The following SLC30A4 variants were observed in gnomAD, a reference collection of about 807,000 sequenced individuals.
SLC30A4 encodes probable proton-coupled zinc antiporter SLC30A4.
A neutral mutation model predicts 41.7 loss-of-function variants in SLC30A4; 20 were observed. The ratio of observed to expected loss-of-function variants is 0.48; its 90% confidence interval spans 0.34 to 0.70. The LOEUF (loss-of-function observed/expected upper bound fraction) is 0.70, where lower values mean the gene tolerates loss of function less well. SLC30A4 is among the 30% of genes least tolerant of loss of function. The pLI is 0.01. For missense variants in SLC30A4, 441 were observed against 529.3 expected, an observed-to-expected ratio of 0.83 and a Z score of 1.64; for synonymous variants, 181 against 195.9, an observed-to-expected ratio of 0.92 and a Z score of 0.64.
At chr15:45,490,154 C>T (rs1387213412) in intron 4 of SLC30A4, among the ~76,000 whole-genome samples, 1 of 152,036 alleles carries the variant, frequency 6.6e-6, no homozygotes, top group Non-Finnish European at 1.5e-5. Flanking sequence ...TGCAGTGGCC[C>T]AATCATAGCT....
chr15:45,511,058 G>T, intron 3 of SLC30A4, 80 bp downstream of exon 3: 1 of 1,065,254 alleles, frequency 9.4e-7, no homozygotes, highest in South Asian at 1.8e-5. Context: ...TCACTGGAAC[G>T]AGTTCAGTTA....
intron 3 of SLC30A4, among the ~76,000 whole-genome samples, chr15:45,507,879 T>C (rs886543162): frequency 6.6e-6 from 1 of 152,192 alleles, no homozygotes; most frequent in African/African-American, 2.4e-5. Context: ...TGCTGGTTTT[T>C]CCCACATGCT....
At chr15:45,518,198 A>G (rs1408877090) in intron 2 of SLC30A4, among the ~76,000 whole-genome samples, 1 of 152,046 alleles carries the variant, frequency 6.6e-6, no homozygotes, top group Non-Finnish European at 1.5e-5. Flanking sequence ...CTGTTTGGGT[A>G]ACTCCTACTA....
chr15:45,504,601 AT>A (rs1240620519), intron 3 of SLC30A4, among the ~76,000 whole-genome samples: 2 of 152,234 alleles, frequency 1.3e-5, no homozygotes, highest in Non-Finnish European at 2.9e-5. Context: ...ATTTATGTAT[AT>A]ATGCCTAAAA....
At chr15:45,503,717 T>C (rs111275443) in intron 3 of SLC30A4, among the ~76,000 whole-genome samples, 12,813 of 150,944 alleles carry the variant, frequency 0.085, 1,788 homozygotes, top group African/African-American at 0.29. Context: ...GAGGCCGAGG[T>C]GGGCAGATCA....
rs946742255 is a variant in SLC30A4, at chr15:45,487,943, T to C, written c.895-311A>G. ...GTGTGTGTGTGTGTGTGTGTGTGTGTGTCAAAGCTGGAAAAAAGTGTGTGT... is the reference window on the plus strand; with the variant it reads ...GTGTGTGTGTGTGTGTGTGTGTGTGCGTCAAAGCTGGAAAAAAGTGTGTGT... On this transcript the variant is annotated intron_variant, in intron 5 of 7. Coordinates refer to ENST00000261867, the MANE Select transcript of SLC30A4 (RefSeq NM_013309.6). 2.1e-5 allele frequency among the ~76,000 whole-genome samples: 3 copies of C among 140,034 alleles called. 1 individual carries two copies. Among genetic ancestry groups the C allele is most frequent in the Non-Finnish European group, 4.7e-5 (3 of 64,168 alleles). 91.9% of individuals were successfully genotyped at this position (140,034 alleles called of 152,430 possible). A position where few individuals can be genotyped will look rare whatever the true frequency, so the allele number is the denominator to read the frequency against.
chr15:45,490,282 G>T (rs1891786101), intron 4 of SLC30A4, among the ~76,000 whole-genome samples: 1 of 152,056 alleles, frequency 6.6e-6, no homozygotes, highest in Non-Finnish European at 1.5e-5. Context: ...AAGAGATGAG[G>T]TCTCACTATG....
At chr15:45,517,433 A>G (rs1566883327) in intron 2 of SLC30A4, among the ~76,000 whole-genome samples, 1 of 140,060 alleles carries the variant, frequency 7.1e-6, no homozygotes, top group Admixed American at 7.9e-5. Context: ...GGCTCACCAC[A>G]ACCTCCGCCT....
rs1891585445 is a variant in SLC30A4, at chr15:45,480,365, C to G, written c.*4798G>C. 2 of 152,192 alleles carry G rather than the reference C, an allele frequency of 1.3e-5. No individual in the cohort carries two copies. Among genetic ancestry groups the G allele is most frequent in the Admixed American group, 1.3e-4 (2 of 15,276 alleles). The allele number at this position is 152,192 out of a possible 1,614,324, so 9.4% of individuals were successfully genotyped here. The stretch of plus-strand genomic sequence containing the variant: ...ACAAATAATATACCTGATTGGCAAT[C>G]AGTAAAACAAATCTCAAGACCTGGT... On this transcript the variant is annotated 3_prime_UTR_variant, in exon 8 of 8. Coordinates refer to ENST00000261867, the MANE Select transcript of SLC30A4 (RefSeq NM_013309.6).
chr15:45,509,830 A>G (rs2140840179), intron 3 of SLC30A4, among the ~76,000 whole-genome samples: 1 of 152,258 alleles, frequency 6.6e-6, no homozygotes, highest in African/African-American at 2.4e-5. Flanking sequence ...AGGCCAAGGT[A>G]GGAGGATGGC....
rs1474282772 is a variant in SLC30A4 at position 45,484,398 on chromosome 15, CAT to C, written c.*763_*764del. The C allele has an allele frequency of 6.6e-6, 1 of 152,130 alleles. No individual in the cohort carries two copies. Among genetic ancestry groups the C allele is most frequent in the East Asian group, 1.9e-4 (1 of 5,194 alleles). The allele number at this position is 152,130 out of a possible 1,614,324, so 9.4% of individuals were successfully genotyped here. ...GCTCTTTTATTTTGTTTTAAATCAT[CAT>C]ATAGTAATTTGAGTTTAAGACTAAC... On this transcript the variant is annotated 3_prime_UTR_variant, in exon 8 of 8. Transcript: ENST00000261867.
rs1358832173 is a variant in SLC30A4, at chr15:45,522,189, C to G, written c.166G>C (p.Glu56Gln). ...LRVVVADDGS[E>Q]APERPVNGAH... ...CCGTTAACAGGCCTTTCCGGGGCTTCGGAACCGTCATCGGCCACCACAACT... is the reference window on the plus strand; with the variant it reads ...CCGTTAACAGGCCTTTCCGGGGCTTGGGAACCGTCATCGGCCACCACAACT... The change falls in exon 2 of 8, where the codon GAA (glutamate) becomes CAA (glutamine). Residue 56 changes from glutamate to glutamine, a missense_variant. Glu to Gln is a conservative substitution (Grantham distance 29). Around this residue, in one of 3 missense-constraint regions of SLC30A4, gnomAD observed 312 missense variants for 341.9 expected, o/e 0.91. Coordinates refer to ENST00000261867, the MANE Select transcript of SLC30A4 (RefSeq NM_013309.6). 3.7e-6 allele frequency: 6 copies of G among 1,614,108 alleles called. No individual in the cohort carries two copies. In the African/African-American group the frequency reaches 8.0e-5, roughly 22 times the overall value.
rs572737525 is a variant in SLC30A4, at chr15:45,514,521, T to C, written c.392-3237A>G. Among the ~76,000 whole-genome samples, 13 of 145,806 alleles carry C rather than the reference T, an allele frequency of 8.9e-5. No homozygotes were observed. In the South Asian group the frequency reaches 2.0e-3, roughly 23 times the overall value. ...AGATTGATATTCCAATTTTTTTTTTTTTTTTTTTTTTGAGACAGAGTCTCA... is the reference window on the plus strand; with the variant it reads ...AGATTGATATTCCAATTTTTTTTTTCTTTTTTTTTTTGAGACAGAGTCTCA... On this transcript the variant is annotated intron_variant, in intron 2 of 7. Coordinates refer to ENST00000261867, the MANE Select transcript of SLC30A4 (RefSeq NM_013309.6).
chr15:45,486,640 T>C lies in SLC30A4; in HGVS notation c.1106A>G (p.Lys369Arg), dbSNP rs1441162342. 1.3e-5 allele frequency: 21 copies of C among 1,604,744 alleles called. 1 individual carries two copies. The highest frequency in any genetic ancestry group is 3.3e-4 in the Middle Eastern group (2 of 6,044). The change falls in exon 7 of 8, where the codon AAA (lysine) becomes AGA (arginine). Residue 369 changes from lysine (K) to arginine (R), a missense_variant. Physicochemically the swap from Lys to Arg is conservative, Grantham distance 26. Transcript: ENST00000261867. ...DLNIWSLTSGKSTAIVHIQLI... is the reference protein window; with the variant it reads ...DLNIWSLTSGRSTAIVHIQLI... ...CTGTATGTGAACTATGGCAGTAGAT[T>C]TTCCTGAAGTGAGAGACCAGATATT...
At chr15:45,509,802 T>C (rs925259375) in intron 3 of SLC30A4, among the ~76,000 whole-genome samples, 1 of 152,144 alleles carries the variant, frequency 6.6e-6, no homozygotes, top group African/African-American at 2.4e-5. Flanking sequence ...CTCACACCTG[T>C]AATCCCAGCA....
chr15:45,489,836 T>A (rs2140815117), intron 4 of SLC30A4, among the ~76,000 whole-genome samples: 1 of 152,282 alleles, frequency 6.6e-6, no homozygotes, highest in South Asian at 2.1e-4. Flanking sequence ...GGGCAGGGAT[T>A]GGTAAACTGT....
At chr15:45,507,506 T>A (rs1051442490) in intron 3 of SLC30A4, among the ~76,000 whole-genome samples, 1 of 149,932 alleles carries the variant, frequency 6.7e-6, no homozygotes, top group Non-Finnish European at 1.5e-5. Flanking sequence ...TTCCTTTTTT[T>A]TTTTTTTGTC....
At chr15:45,503,775 C>T (rs1463991931) in intron 3 of SLC30A4, among the ~76,000 whole-genome samples, 1 of 152,004 alleles carries the variant, frequency 6.6e-6, no homozygotes, top group Admixed American at 6.5e-5. Context: ...GGAGAAATCC[C>T]ATCTCTACTA....
chr15:45,480,858 T>C lies in SLC30A4; in HGVS notation c.*4305A>G, dbSNP rs916023409. On this transcript the variant is annotated 3_prime_UTR_variant, in exon 8 of 8. Transcript: ENST00000261867. ...CTTAGCAATGATATTCACTGGTGGT[T>C]GTGCAGTGTAGTCTCTTTGTCTACC... The C allele has an allele frequency of 9.2e-5, 14 of 152,240 alleles. No homozygotes were observed. The highest frequency in any genetic ancestry group is 1.9e-4 in the Non-Finnish European group (13 of 68,038). The allele number at this position is 152,240 out of a possible 1,614,324, so 9.4% of individuals were successfully genotyped here.
Sources: allele counts gnomAD v4.1 joint callset (sites outside exome capture counted in the v4.1 genomes callset), GRCh38; gene constraint gnomAD v4.1.1; regional missense constraint gnomAD v4.1.1; transcripts MANE v1.5; gene names NCBI Gene and HGNC (gene_info 2026-07-23, HGNC 2026-07-21).